Variants in PKD2 observed in about 807,000 individuals in gnomAD.
PKD2 encodes polycystin 2, transient receptor potential cation channel, also known as polycystin-2.
In PKD2, 48 loss-of-function variants were observed where a neutral mutation model predicts 105.9. The ratio of observed to expected loss-of-function variants is 0.45; its 90% confidence interval spans 0.36 to 0.58. PKD2 has a LOEUF of 0.58. Ranked by LOEUF, PKD2 falls within the 20% of genes least tolerant of loss-of-function variation. PKD2 has a pLI of 0.00. For missense variants in PKD2, 1,078 were observed against 1,255.3 expected, an observed-to-expected ratio of 0.86 and a Z score of 2.13; for synonymous variants, 464 against 481.1, an observed-to-expected ratio of 0.96 and a Z score of 0.46.
chr4:88,045,159 A>C (rs17013743), intron 5 of PKD2, among the ~76,000 whole-genome samples: 1 of 152,148 alleles, frequency 6.6e-6, no homozygotes, highest in African/African-American at 2.4e-5. Flanking sequence ...TCATTTCTCT[A>C]TACTGTTTTT....
At chr4:88,032,682 G>C (rs1298897360) in intron 2 of PKD2, among the ~76,000 whole-genome samples, 1 of 152,124 alleles carries the variant, frequency 6.6e-6, no homozygotes, top group Non-Finnish European at 1.5e-5. Context: ...ATTTCATTTA[G>C]AGAGTGAATG....
chr4:88,061,702 C>T (rs1348580746), intron 9 of PKD2, among the ~76,000 whole-genome samples: 1 of 151,748 alleles, frequency 6.6e-6, no homozygotes, highest in Non-Finnish European at 1.5e-5. Flanking sequence ...CGCGCCCCTG[C>T]ACTCCAGCCT....
intron 9 of PKD2, among the ~76,000 whole-genome samples, chr4:88,059,745 G>GTACGTACATACA (rs140132578): frequency 2.0e-4 from 30 of 150,226 alleles, no homozygotes; most frequent in Admixed American, 1.9e-3. Context: ...ACATACATAC[G>GTACGTACATACA]TACATACATA....
At chr4:88,014,105 G>C (rs1450352386) in intron 1 of PKD2, among the ~76,000 whole-genome samples, 1 of 152,174 alleles carries the variant, frequency 6.6e-6, no homozygotes, top group Admixed American at 6.5e-5. Context: ...AAAGAAGCTA[G>C]ATAGAAAGGA....
intron 2 of PKD2, among the ~76,000 whole-genome samples, chr4:88,034,342 C>A (rs1283129308): frequency 1.3e-5 from 2 of 152,020 alleles, no homozygotes; most frequent in Non-Finnish European, 2.9e-5. Context: ...CTACCCTTCT[C>A]CTTAAATAAT....
rs76820315 is a variant in PKD2, at chr4:88,031,450, A to G, written c.710-4770A>G. ...GAGGATACCATAAGTTATACAGCTA[A>G]CAAAACAGTTAGTTTTCCTGTGCAA... On this transcript the variant is annotated intron_variant, in intron 2 of 14. Coordinates refer to ENST00000237596, the MANE Select transcript of PKD2 (RefSeq NM_000297.4). 6.0e-3 allele frequency among the ~76,000 whole-genome samples: 910 copies of G among 152,272 alleles called. 12 individuals carry two copies. Among genetic ancestry groups the G allele is most frequent in the African/African-American group, 0.021 (854 of 41,552 alleles).
intron 2 of PKD2, among the ~76,000 whole-genome samples, chr4:88,035,146 A>G (rs1727289048): frequency 6.6e-6 from 1 of 152,214 alleles, no homozygotes; most frequent in African/African-American, 2.4e-5. Context: ...AAGTTTAAGC[A>G]ACTTGCACAG....
In PKD2 at chr4:88,008,503, G is replaced by A. The variant is rs115254628; in HGVS notation, c.595+175G>A. Among the ~76,000 whole-genome samples the A allele has an allele frequency of 0.012, 1,771 of 152,296 alleles. 40 individuals carry two copies. The highest frequency in any genetic ancestry group is 0.041 in the African/African-American group (1,691 of 41,556). ...AGTGCTGCCCTATTTCCGGTACCCA[G>A]CGCGGAATTCCACTGCTCTTTTGTT... On this transcript the variant is annotated intron_variant, in intron 1 of 14. Transcript: ENST00000237596.
chr4:88,007,869 C>A lies in PKD2; in HGVS notation c.136C>A (p.Leu46Ile). 8 of 1,268,888 alleles carry A rather than the reference C, an allele frequency of 6.3e-6. No homozygotes were observed. The highest frequency in any genetic ancestry group is 7.9e-6 in the Non-Finnish European group (8 of 1,006,582). The allele number at this position is 1,268,888 out of a possible 1,614,324, so 78.6% of individuals were successfully genotyped here. ...VGASLAAPGG[L>I]CEQRGLEIEM... ...CGCCAGCCTCGCCGCCCCGGGCGGCCTCTGCGAGCAGCGGGGCCTGGAGAT... is the reference window on the plus strand; with the variant it reads ...CGCCAGCCTCGCCGCCCCGGGCGGCATCTGCGAGCAGCGGGGCCTGGAGAT... Residue 46 changes from leucine (L) to isoleucine (I), a missense_variant, in exon 1 of 15, where the codon CTC (leucine) becomes ATC (isoleucine). By Grantham distance (5) the Leu-to-Ile change is conservative. Around this residue, in one of 2 missense-constraint regions of PKD2, gnomAD observed 210 missense variants for 187.9 expected, o/e 1.12. Transcript: ENST00000237596.
chr4:88,051,645 A>C (rs1720105079), intron 6 of PKD2, among the ~76,000 whole-genome samples: 1 of 152,220 alleles, frequency 6.6e-6, no homozygotes, highest in Non-Finnish European at 1.5e-5. Flanking sequence ...AAGGTGGCAG[A>C]AAAAACAGAA....
At chr4:88,013,453 A>G (rs1726452331) in intron 1 of PKD2, among the ~76,000 whole-genome samples, 3 of 152,220 alleles carry the variant, frequency 2.0e-5, no homozygotes, top group South Asian at 2.1e-4. Flanking sequence ...GCTCATGCCT[A>G]TAGTCCCAAC....
intron 7 of PKD2, 145 bp downstream of exon 7, chr4:88,052,303 C>G (rs1327955376): frequency 1.4e-5 from 9 of 654,930 alleles, no homozygotes; most frequent in Non-Finnish European, 2.4e-5. Context: ...GGGTCTCACT[C>G]TGTCACCCAG....
In PKD2 at chr4:88,075,810, C is replaced by T. The variant is rs529071216; in HGVS notation, c.*116C>T. 25 of 784,924 alleles carry T rather than the reference C, an allele frequency of 3.2e-5. No individual in the cohort carries two copies. Among genetic ancestry groups the T allele is most frequent in the South Asian group, 1.4e-4 (10 of 73,360 alleles). 48.6% of individuals were successfully genotyped at this position (784,924 alleles called of 1,614,324 possible). A position where few individuals can be genotyped will look rare whatever the true frequency, so the allele number is the denominator to read the frequency against. ...ACCATAGGATGCTAGTCTTTGTGAC[C>T]GATTGCTAATCTTCTGCACTTTAAT... On this transcript the variant is annotated 3_prime_UTR_variant, in exon 15 of 15. Transcript: ENST00000237596.
chr4:88,012,751 C>T (rs927656610), intron 1 of PKD2, among the ~76,000 whole-genome samples: 6 of 152,090 alleles, frequency 3.9e-5, no homozygotes, highest in Non-Finnish European at 8.8e-5. Context: ...GCCCCAGACG[C>T]TAGTAACCTC....
chr4:88,075,828 A>T lies in PKD2; in HGVS notation c.*134A>T. 1 of 748,290 alleles carries T rather than the reference A, an allele frequency of 1.3e-6. No individual in the cohort carries two copies. The highest frequency in any genetic ancestry group is 2.4e-6 in the Non-Finnish European group (1 of 420,812). 46.4% of individuals were successfully genotyped at this position (748,290 alleles called of 1,614,324 possible). The stretch of plus-strand genomic sequence containing the variant: ...TTGTGACCGATTGCTAATCTTCTGC[A>T]CTTTAATTTATTTTATATAAACTTT... On this transcript the variant is annotated 3_prime_UTR_variant, in exon 15 of 15. Transcript: ENST00000237596.
At chr4:88,068,584 A>T (rs1207009292) in intron 13 of PKD2, among the ~76,000 whole-genome samples, 1 of 152,228 alleles carries the variant, frequency 6.6e-6, no homozygotes, top group Admixed American at 6.5e-5. Flanking sequence ...TCTACCAATG[A>T]AAAATGTTTA....
chr4:88,077,049 ATCT>A lies in PKD2; in HGVS notation c.*1360_*1362del, dbSNP rs886059708. ...AGAAATCTATTTCTCAAAAAAAAAA[ATCT>A]TCTTTTACAGAAATGTTGAGTAAGG... On this transcript the variant is annotated 3_prime_UTR_variant, in exon 15 of 15. Transcript: ENST00000237596. The A allele has an allele frequency of 6.6e-6, 1 of 152,308 alleles. No individual in the cohort carries two copies. The highest frequency in any genetic ancestry group is 2.1e-4 in the South Asian group (1 of 4,828). The allele number at this position is 152,308 out of a possible 1,614,324, so 9.4% of individuals were successfully genotyped here. A position where few individuals can be genotyped will look rare whatever the true frequency, so the allele number is the denominator to read the frequency against.
At chr4:88,067,758 A>G (rs1720849753) in intron 12 of PKD2, 140 bp from the exon 13 acceptor site, 1 of 744,980 alleles carries the variant, frequency 1.3e-6, no homozygotes, top group Non-Finnish European at 2.3e-6. Context: ...TGAAAAATGC[A>G]GGAGTCCCAG....
intron 2 of PKD2, among the ~76,000 whole-genome samples, chr4:88,027,813 T>A (rs1199301024): frequency 1.4e-5 from 1 of 72,676 alleles, no homozygotes; most frequent in Non-Finnish European, 2.6e-5. Flanking sequence ...GAGATCTGGT[T>A]TTTTGGTAAG....
Sources: gnomAD v4.1 joint callset for allele counts (sites outside exome capture counted in the v4.1 genomes callset) on GRCh38, gnomAD v4.1.1 for gene constraint, gnomAD v4.1.1 regional missense constraint, MANE v1.5 for transcripts, NCBI Gene and HGNC (gene_info 2026-07-23, HGNC 2026-07-21) for gene names.